Variants in TACR1 observed in about 807,000 individuals in gnomAD.
TACR1 encodes substance-P receptor.
A neutral mutation model predicts 35.8 loss-of-function variants in TACR1; 25 were observed. The ratio of observed to expected loss-of-function variants is 0.70; its 90% confidence interval spans 0.51 to 0.98. The LOEUF (loss-of-function observed/expected upper bound fraction) is 0.98, where lower values mean the gene tolerates loss of function less well. Among genes scored for constraint, TACR1 ranks in the 50% least tolerant of loss-of-function variants. The probability of loss-of-function intolerance (pLI) is 0.00; values close to 1 mark genes in which losing one functional copy is unlikely to be tolerated. For synonymous variants in TACR1, 195 were observed against 206.7 expected, an observed-to-expected ratio of 0.94 and a Z score of 0.48; for missense variants, 478 against 522.9, an observed-to-expected ratio of 0.91 and a Z score of 0.84.
At chr2:75,173,736 T>A (rs931827414) in intron 1 of TACR1, among the ~76,000 whole-genome samples, 3 of 152,222 alleles carry the variant, frequency 2.0e-5, no homozygotes, top group African/African-American at 7.2e-5. Context: ...ATCTACTCTT[T>A]TAACTTGAAA....
chr2:75,154,013 G>C (rs908405925), intron 1 of TACR1, among the ~76,000 whole-genome samples: 1 of 152,108 alleles, frequency 6.6e-6, no homozygotes, highest in Non-Finnish European at 1.5e-5. Flanking sequence ...CTCACTATAG[G>C]AGTTCAGTAA....
intron 1 of TACR1, among the ~76,000 whole-genome samples, chr2:75,162,724 T>C (rs1474713533): frequency 2.0e-5 from 3 of 152,202 alleles, no homozygotes; most frequent in Non-Finnish European, 4.4e-5. Context: ...TGAGAGACAC[T>C]CAAGATTCCA....
intron 2 of TACR1, among the ~76,000 whole-genome samples, chr2:75,087,555 C>A (rs1408275616): frequency 6.6e-6 from 1 of 152,174 alleles, no homozygotes; most frequent in African/African-American, 2.4e-5. Context: ...AAAACCCTTG[C>A]CTAAGGAAGC....
At position 75,049,599 on chromosome 2, in the gene TACR1, G is replaced by T. The variant is rs374522374; in HGVS notation, c.1057C>A (p.Arg353Ser). ...ACTGTGGAGATGGTGGTCTCCAGGC[G>T]GCTGACTTTGTACACACTGCCCTGG... ...QTQGSVYKVSRLETTISTVVG... is the reference protein window; with the variant it reads ...QTQGSVYKVSSLETTISTVVG... The change falls in exon 5 of 5, where the codon CGC becomes AGC. Residue 353 changes from arginine to serine, a missense_variant. Coordinates refer to ENST00000305249, the MANE Select transcript of TACR1 (RefSeq NM_001058.4). The T allele has an allele frequency of 1.2e-6, 2 of 1,613,968 alleles. No homozygotes were observed. Among genetic ancestry groups the T allele is most frequent in the South Asian group, 1.1e-5 (1 of 91,084 alleles).
chr2:75,152,827 C>G (rs908071930), intron 1 of TACR1, among the ~76,000 whole-genome samples: 2 of 152,188 alleles, frequency 1.3e-5, no homozygotes, highest in African/African-American at 4.8e-5. Flanking sequence ...CTGTACACCT[C>G]ACTCTACCAT....
At chr2:75,170,808 T>C (rs998554497) in intron 1 of TACR1, among the ~76,000 whole-genome samples, 1 of 152,152 alleles carries the variant, frequency 6.6e-6, no homozygotes, top group African/African-American at 2.4e-5. Flanking sequence ...AGAGAGATGA[T>C]TTAGGGCATC....
chr2:75,136,789 C>T (rs888768051), intron 1 of TACR1, among the ~76,000 whole-genome samples: 4 of 152,170 alleles, frequency 2.6e-5, no homozygotes, highest in African/African-American at 7.2e-5. Flanking sequence ...TCTCACCAAA[C>T]AGACATTTAG....
At chr2:75,079,736 C>CAT (rs1160592112) in intron 2 of TACR1, among the ~76,000 whole-genome samples, 1 of 114,196 alleles carries the variant, frequency 8.8e-6, no homozygotes, top group African/African-American at 3.1e-5. Context: ...AACCTAATGC[C>CAT]TTTTTTTTTT....
intron 1 of TACR1, among the ~76,000 whole-genome samples, chr2:75,130,468 A>G (rs948133307): frequency 1.3e-5 from 2 of 152,228 alleles, no homozygotes; most frequent in Non-Finnish European, 2.9e-5. Context: ...TATGAAGATT[A>G]TTTGGGCACC....
intron 1 of TACR1, among the ~76,000 whole-genome samples, chr2:75,147,707 A>G (rs1171694181): frequency 6.7e-6 from 1 of 149,934 alleles, no homozygotes; most frequent in Non-Finnish European, 1.5e-5. Flanking sequence ...GATGGCTTTC[A>G]GCTTCATCCA....
intron 1 of TACR1, among the ~76,000 whole-genome samples, chr2:75,190,828 G>A (rs1243351763): frequency 6.6e-6 from 1 of 152,164 alleles, no homozygotes; most frequent in Non-Finnish European, 1.5e-5. Context: ...AAGGCTAGGA[G>A]TAAGTTTATT....
At position 75,049,315 on chromosome 2, in the gene TACR1, T is replaced by A. The variant is rs1672421320; in HGVS notation, c.*117A>T. The A allele has an allele frequency of 8.3e-7, 1 of 1,208,924 alleles. No individual in the cohort carries two copies. Among genetic ancestry groups the A allele is most frequent in the East Asian group, 2.4e-5 (1 of 41,876 alleles). 74.9% of individuals were successfully genotyped at this position (1,208,924 alleles called of 1,614,324 possible). ...TGTTTTCCCTAACCCATACTGACCC[T>A]TTTTGCAAGTCCCAGTGTGAGGGTG... On this transcript the variant is annotated 3_prime_UTR_variant, in exon 5 of 5. Coordinates refer to ENST00000305249, the MANE Select transcript of TACR1 (RefSeq NM_001058.4).
intron 1 of TACR1, among the ~76,000 whole-genome samples, chr2:75,128,417 G>A (rs554339386): frequency 1.2e-4 from 18 of 152,280 alleles, no homozygotes; most frequent in Non-Finnish European, 2.2e-4. Context: ...ATAAAAATAC[G>A]TATCACTAAG....
chr2:75,049,738 G>C lies in TACR1; in HGVS notation c.933-15C>G, dbSNP rs1351546890. On this transcript the variant is annotated splice_polypyrimidine_tract_variant and intron_variant, in intron 4 of 4. Transcript: ENST00000305249. Reference sequence around the variant, plus strand: ...CCAGACGGAACCTGGAGAGCGAGCAGATGAAGAGGTGACCCTTTGGGACGG... The same window carrying C: ...CCAGACGGAACCTGGAGAGCGAGCACATGAAGAGGTGACCCTTTGGGACGG... The C allele has an allele frequency of 6.2e-7, 1 of 1,607,210 alleles. No individual in the cohort carries two copies. The highest frequency in any genetic ancestry group is 1.1e-5 in the South Asian group (1 of 90,162).
chr2:75,129,072 C>G (rs57141050), intron 1 of TACR1, among the ~76,000 whole-genome samples: 3,852 of 152,116 alleles, frequency 0.025, 162 homozygotes, highest in African/African-American at 0.086. Flanking sequence ...TTAGCTCCAG[C>G]AGCAGAGTAA....
chr2:75,174,781 GTGAGAATT>G (rs1461681900), intron 1 of TACR1, among the ~76,000 whole-genome samples: 2 of 152,156 alleles, frequency 1.3e-5, no homozygotes, highest in African/African-American at 2.4e-5. Context: ...ATTCTCCCTG[GTGAGAATT>G]TGCATAATGG....
intron 2 of TACR1, among the ~76,000 whole-genome samples, chr2:75,075,732 A>G (rs915547935): frequency 1.3e-5 from 2 of 152,174 alleles, no homozygotes; most frequent in African/African-American, 4.8e-5. Context: ...AAATTCAGCT[A>G]ATTGCTGTTT....
intron 1 of TACR1, among the ~76,000 whole-genome samples, chr2:75,162,920 G>T (rs928003692): frequency 2.6e-5 from 4 of 152,132 alleles, no homozygotes; most frequent in African/African-American, 9.7e-5. Context: ...AGACTACTGG[G>T]CCTACCTCAT....
chr2:75,057,598 T>C (rs1015697439), intron 2 of TACR1, among the ~76,000 whole-genome samples: 2 of 152,240 alleles, frequency 1.3e-5, no homozygotes, highest in African/African-American at 4.8e-5. Context: ...CATTGCAGGA[T>C]TGCATTTATA....
Sources: allele counts gnomAD v4.1 joint callset (sites outside exome capture counted in the v4.1 genomes callset), GRCh38; gene constraint gnomAD v4.1.1; transcripts MANE v1.5; gene names NCBI Gene and HGNC (gene_info 2026-07-23, HGNC 2026-07-21).